Variants in ZNF148 observed in about 807,000 individuals in gnomAD.
The protein encoded by ZNF148 is Beta-Enolase Repressor Factor-1.
A neutral mutation model predicts 67.7 loss-of-function variants in ZNF148; 7 were observed. That is an observed-to-expected ratio of 0.10 (90% CI 0.06 to 0.19). The LOEUF (loss-of-function observed/expected upper bound fraction) is 0.19, where lower values mean the gene tolerates loss of function less well. Ranked by LOEUF, ZNF148 falls within the 10% of genes least tolerant of loss-of-function variation. The pLI is 1.00. For missense variants in ZNF148, 583 were observed against 947.1 expected, an observed-to-expected ratio of 0.62 and a Z score of 5.05; for synonymous variants, 333 against 330.7, an observed-to-expected ratio of 1.01 and a Z score of -0.08.
At chr3:125,312,363 T>C (rs1234647378) in intron 4 of ZNF148, among the ~76,000 whole-genome samples, 2 of 152,230 alleles carry the variant, frequency 1.3e-5, no homozygotes, top group Non-Finnish European at 2.9e-5. Flanking sequence ...CTGGTGAATG[T>C]ATGTATCAGA....
At chr3:125,240,131 C>T (rs374850845) in intron 7 of ZNF148, among the ~76,000 whole-genome samples, 5 of 152,272 alleles carry the variant, frequency 3.3e-5, no homozygotes, top group South Asian at 4.1e-4. Context: ...CATGGTAATA[C>T]AATTGATACT....
rs374281609 is a variant in ZNF148, at chr3:125,232,068, T to TC, written c.*272dup. On this transcript the variant is annotated 3_prime_UTR_variant, in exon 9 of 9. Transcript: ENST00000360647. This position sits in a 1 kb window ranked among gnomAD's most constrained non-coding sequence, Gnocchi z 4.2. ...CAATTGTGCGAAAGTCTTTTTTTTT[T>TC]CCTTTTTAACTTGGTGTGGGTGGAA... 1.6e-4 allele frequency: 51 copies of TC among 321,056 alleles called. No homozygotes were observed. Among genetic ancestry groups the TC allele is most frequent in the Non-Finnish European group, 2.7e-4 (48 of 175,162 alleles). The allele number at this position is 321,056 out of a possible 1,614,324, so 19.9% of individuals were successfully genotyped here. A position where few individuals can be genotyped will look rare whatever the true frequency, so the allele number is the denominator to read the frequency against.
At chr3:125,327,907 T>A (rs1941097244) in intron 2 of ZNF148, among the ~76,000 whole-genome samples, 1 of 152,270 alleles carries the variant, frequency 6.6e-6, no homozygotes, top group East Asian at 1.9e-4. Context: ...GAGTCTCATA[T>A]GTATCCTCCT....
rs1177650614 is a variant in ZNF148, at chr3:125,228,827, T to C, written c.*3514A>G. ...AGGTACATCCTTATTTGATGAACCA[T>C]ATTTACAGCATGGTATTGCATAAAA... On this transcript the variant is annotated 3_prime_UTR_variant, in exon 9 of 9. Transcript: ENST00000360647. 2 of 152,606 alleles carry C rather than the reference T, an allele frequency of 1.3e-5. No individual in the cohort carries two copies. The highest frequency in any genetic ancestry group is 1.9e-4 in the East Asian group (1 of 5,202). 9.5% of individuals were successfully genotyped at this position (152,606 alleles called of 1,614,324 possible). A position where few individuals can be genotyped will look rare whatever the true frequency, so the allele number is the denominator to read the frequency against.
chr3:125,273,661 T>G (rs1937884272), intron 7 of ZNF148, among the ~76,000 whole-genome samples: 1 of 152,106 alleles, frequency 6.6e-6, no homozygotes, highest in African/African-American at 2.4e-5. Flanking sequence ...GCCTGGCTAA[T>G]TTTTGTATTT....
intron 1 of ZNF148, among the ~76,000 whole-genome samples, chr3:125,341,175 A>G (rs562350220): frequency 1.8e-4 from 27 of 148,034 alleles, no homozygotes; most frequent in Non-Finnish European, 3.6e-4. Context: ...GCAACAAGTG[A>G]AAAAAAAAAC....
chr3:125,373,526 C>T (rs1245641017), intron 1 of ZNF148, among the ~76,000 whole-genome samples: 2 of 152,064 alleles, frequency 1.3e-5, no homozygotes, highest in Admixed American at 6.5e-5. Flanking sequence ...GGTTCATTTC[C>T]TGACATAGAG....
rs540461369 is a variant in ZNF148, at chr3:125,290,854, A to C, written c.334-2626T>G. On this transcript the variant is annotated intron_variant, in intron 4 of 8. Transcript: ENST00000360647. ...GGGTAGAAATTCAAAGGGAGAAATA[A>C]AGACAACGTGAAATAACTGCATCAG... Among the ~76,000 whole-genome samples, 3 of 152,284 alleles carry C rather than the reference A, an allele frequency of 2.0e-5. No individual in the cohort carries two copies. In the East Asian group the frequency reaches 5.8e-4, roughly 29 times the overall value.
intron 4 of ZNF148, among the ~76,000 whole-genome samples, chr3:125,304,802 T>G (rs1939784491): frequency 1.3e-5 from 2 of 152,172 alleles, no homozygotes; most frequent in African/African-American, 4.8e-5. Flanking sequence ...AGCAGCATGT[T>G]CAGCACCCAG....
intron 1 of ZNF148, among the ~76,000 whole-genome samples, chr3:125,335,162 C>G (rs1307755683): frequency 6.6e-6 from 1 of 152,168 alleles, no homozygotes; most frequent in African/African-American, 2.4e-5. Flanking sequence ...TTTTTCTGCC[C>G]TAACTATAAG....
intron 1 of ZNF148, among the ~76,000 whole-genome samples, chr3:125,331,452 C>T (rs1941288517): frequency 6.6e-6 from 1 of 152,192 alleles, no homozygotes; most frequent in Non-Finnish European, 1.5e-5. Flanking sequence ...ACAACAATGA[C>T]TCACATACAA....
chr3:125,349,153 A>G (rs1942050906), intron 1 of ZNF148, among the ~76,000 whole-genome samples: 1 of 152,232 alleles, frequency 6.6e-6, no homozygotes, highest in African/African-American at 2.4e-5. Flanking sequence ...CATGGGAGAA[A>G]AGCTTCATGG....
intron 7 of ZNF148, among the ~76,000 whole-genome samples, chr3:125,261,466 A>C (rs1937337410): frequency 6.6e-6 from 1 of 152,206 alleles, no homozygotes; most frequent in East Asian, 1.9e-4. Flanking sequence ...ATGAGAGGGC[A>C]AGGGTATGAA....
intron 7 of ZNF148, among the ~76,000 whole-genome samples, chr3:125,251,461 T>C (rs1579620032): frequency 6.6e-6 from 1 of 152,174 alleles, no homozygotes; most frequent in Non-Finnish European, 1.5e-5. Context: ...GTGTAATTAG[T>C]AGCTCAATAA....
chr3:125,338,583 C>A (rs1941587829), intron 1 of ZNF148, among the ~76,000 whole-genome samples: 1 of 128,142 alleles, frequency 7.8e-6, no homozygotes, highest in Non-Finnish European at 1.6e-5. Context: ...TCGCTTTAGC[C>A]TGGGGGGCAA....
intron 1 of ZNF148, among the ~76,000 whole-genome samples, chr3:125,368,201 AT>A (rs1942760388): frequency 6.6e-6 from 1 of 152,214 alleles, no homozygotes; most frequent in South Asian, 2.1e-4. Context: ...AGGTAATAAA[AT>A]TATTAACAAA....
At chr3:125,317,207 T>C (rs1940540073) in intron 3 of ZNF148, among the ~76,000 whole-genome samples, 1 of 152,148 alleles carries the variant, frequency 6.6e-6, no homozygotes, top group African/African-American at 2.4e-5. Flanking sequence ...GTTTTTGAAA[T>C]ACCCTGAAAT....
intron 5 of ZNF148, among the ~76,000 whole-genome samples, chr3:125,284,307 T>A (rs1938543739): frequency 6.6e-6 from 1 of 152,148 alleles, no homozygotes; most frequent in African/African-American, 2.4e-5. Context: ...ATTCAGAAAC[T>A]TCTAGTGTCA....
At chr3:125,348,786 G>A (rs111454939) in intron 1 of ZNF148, among the ~76,000 whole-genome samples, 10 of 152,236 alleles carry the variant, frequency 6.6e-5, no homozygotes, top group East Asian at 1.9e-4. Flanking sequence ...GCCCCCGAAT[G>A]TAGCCAAAAC....
Sources: gnomAD v4.1 joint callset for allele counts (sites outside exome capture counted in the v4.1 genomes callset) on GRCh38, gnomAD v4.1.1 for gene constraint, Gnocchi (gnomAD v3.1) non-coding constraint, MANE v1.5 for transcripts, NCBI Gene and HGNC (gene_info 2026-07-23, HGNC 2026-07-21) for gene names.